The following ATF7IP2 variants were observed in gnomAD, a reference collection of about 807,000 sequenced individuals.
The protein encoded by ATF7IP2 is activating transcription factor 7 interacting protein 2.
ATF7IP2 carries 42 observed loss-of-function variants against 64.2 expected under a neutral mutation model. That is an observed-to-expected ratio of 0.65 (90% CI 0.51 to 0.85). ATF7IP2 has a LOEUF of 0.85. Among genes scored for constraint, ATF7IP2 ranks in the 40% least tolerant of loss-of-function variants. The pLI is 0.00. For synonymous variants in ATF7IP2, 308 were observed against 272.8 expected (o/e 1.13, Z -1.27); for missense variants, 933 against 784.2 (o/e 1.19, Z -2.27).
At chr16:10,402,810 C>T (rs1455506481) in intron 1 of ATF7IP2, among the ~76,000 whole-genome samples, 1 of 151,772 alleles carries the variant, frequency 6.6e-6, no homozygotes, top group South Asian at 2.1e-4. Flanking sequence ...TACAGTGGCT[C>T]CCTCTGTAGT....
chr16:10,429,260 G>A (rs1272550188), intron 4 of ATF7IP2, among the ~76,000 whole-genome samples: 3 of 152,182 alleles, frequency 2.0e-5, no homozygotes, highest in Non-Finnish European at 2.9e-5. Context: ...CAGTCCTATA[G>A]GAAAAATAGA....
chr16:10,454,907 G>C (rs2049116969), intron 8 of ATF7IP2, among the ~76,000 whole-genome samples: 1 of 152,088 alleles, frequency 6.6e-6, no homozygotes, highest in Admixed American at 6.6e-5. Context: ...TATAATACCT[G>C]ATTTCATTTG....
intron 1 of ATF7IP2, among the ~76,000 whole-genome samples, chr16:10,403,193 C>G (rs375484789): frequency 4.6e-5 from 7 of 152,124 alleles, no homozygotes; most frequent in Admixed American, 2.6e-4. Flanking sequence ...GCCTGGAGGT[C>G]AGCCCACATA....
In ATF7IP2 at chr16:10,398,028, G is replaced by A. The variant is rs369179018; in HGVS notation, c.-242+11906G>A. Among the ~76,000 whole-genome samples, 20 of 152,072 alleles carry A rather than the reference G, an allele frequency of 1.3e-4. No individual in the cohort carries two copies. The East Asian group carries it at 3.7e-3, about 28-fold the overall frequency. ...TTATCAAAAATGAAAGATAAGACTG[G>A]GCATGGTGGCTCAAGCTTGTAATCC... On this transcript the variant is annotated intron_variant, in intron 1 of 13. Coordinates refer to ENST00000562102, the MANE Select transcript of ATF7IP2 (RefSeq NM_001393719.1).
intron 7 of ATF7IP2, among the ~76,000 whole-genome samples, chr16:10,440,148 G>A (rs1161696358): frequency 6.6e-6 from 1 of 151,974 alleles, no homozygotes; most frequent in Middle Eastern, 3.4e-3. Flanking sequence ...CAACAAGAGC[G>A]AAACTCCATC....
At position 10,480,863 on chromosome 16, in the gene ATF7IP2, C is replaced by G; in HGVS notation, c.1550-16C>G. 1.3e-6 allele frequency: 2 copies of G among 1,561,382 alleles called. No individual in the cohort carries two copies. Among genetic ancestry groups the G allele is most frequent in the Non-Finnish European group, 1.8e-6 (2 of 1,132,320 alleles). On this transcript the variant is annotated splice_polypyrimidine_tract_variant and intron_variant, in intron 12 of 13. Transcript: ENST00000562102. ...TGCAGATAAGATTTACTTCTTAAACCTTGTGTTGTTCACAGAAAGTCCAGT... is the reference window on the plus strand; with the variant it reads ...TGCAGATAAGATTTACTTCTTAAACGTTGTGTTGTTCACAGAAAGTCCAGT...
At chr16:10,404,985 A>G (rs144386034) in intron 1 of ATF7IP2, among the ~76,000 whole-genome samples, 2 of 152,324 alleles carry the variant, frequency 1.3e-5, no homozygotes, top group African/African-American at 4.8e-5. Context: ...AGTTTTTCTT[A>G]TAGAAGCAAA....
intron 3 of ATF7IP2, among the ~76,000 whole-genome samples, chr16:10,420,604 G>A (rs1363901705): frequency 6.6e-6 from 1 of 152,238 alleles, no homozygotes; most frequent in East Asian, 1.9e-4. Flanking sequence ...TGCAGTCCAA[G>A]GTCCTGGAAG....
chr16:10,446,662 G>A (rs1346125966), intron 8 of ATF7IP2: 1 of 152,144 alleles, frequency 6.6e-6, no homozygotes, highest in Non-Finnish European at 1.5e-5. Flanking sequence ...TTTATCATCT[G>A]TTGCTTTTTC....
chr16:10,473,643 CT>C, intron 11 of ATF7IP2, 109 bp downstream of exon 11: 2 of 797,374 alleles, frequency 2.5e-6, no homozygotes, highest in South Asian at 3.4e-5. Context: ...ACGTTACACA[CT>C]GAAAAGCAGA....
rs74636664 is a variant in ATF7IP2, at chr16:10,457,705, T to C, written c.1352+176T>C. ...GTTGTGGGGGTTTTTTTTTGGTTTT[T>C]GGGTTTTCTGGTGTTTTTTGAGATA... On this transcript the variant is annotated intron_variant, in intron 9 of 13. Transcript: ENST00000562102. 9.0e-4 allele frequency: 418 copies of C among 462,372 alleles called. 3 individuals carry two copies. In the East Asian group the frequency reaches 0.015, roughly 17 times the overall value. 28.6% of individuals were successfully genotyped at this position (462,372 alleles called of 1,614,324 possible).
chr16:10,452,509 G>A (rs973486842), intron 8 of ATF7IP2, among the ~76,000 whole-genome samples: 2 of 152,196 alleles, frequency 1.3e-5, no homozygotes, highest in Non-Finnish European at 2.9e-5. Flanking sequence ...ACAGATGCCA[G>A]CCAGAGCTCT....
At chr16:10,474,670 C>G (rs1012787011) in intron 12 of ATF7IP2, among the ~76,000 whole-genome samples, 3 of 151,996 alleles carry the variant, frequency 2.0e-5, no homozygotes, top group Admixed American at 2.0e-4. Context: ...AAGTATAAAC[C>G]CACATACCCA....
chr16:10,405,823 A>T (rs2047627291), intron 1 of ATF7IP2, among the ~76,000 whole-genome samples: 1 of 152,198 alleles, frequency 6.6e-6, no homozygotes, highest in Non-Finnish European at 1.5e-5. Context: ...TTGAGCTGCC[A>T]ACTCTGTCCT....
rs533779623 is a variant in ATF7IP2, at chr16:10,462,680, A to T, written c.1352+5151A>T. ...GTGGTGGGGTGGTGGTAGTATACTT[A>T]GCCTTTTAAATTTATACTGATGGGG... On this transcript the variant is annotated intron_variant, in intron 9 of 13. Transcript: ENST00000562102. Among the ~76,000 whole-genome samples, 3 of 152,262 alleles carry T rather than the reference A, an allele frequency of 2.0e-5. No homozygotes were observed. The East Asian group carries it at 5.8e-4, about 29-fold the overall frequency.
chr16:10,425,556 G>A (rs1003253802), intron 3 of ATF7IP2, among the ~76,000 whole-genome samples: 17 of 152,176 alleles, frequency 1.1e-4, no homozygotes, highest in African/African-American at 3.9e-4. Flanking sequence ...AATTCATTAG[G>A]TGAAAATATT....
intron 10 of ATF7IP2, among the ~76,000 whole-genome samples, chr16:10,472,720 G>T (rs1054490262): frequency 6.6e-6 from 1 of 152,034 alleles, no homozygotes; most frequent in African/African-American, 2.4e-5. Context: ...GCCAGGCATG[G>T]TGGCAGGTGC....
intron 8 of ATF7IP2, chr16:10,446,112 CT>C (rs1218644301): frequency 1.3e-5 from 2 of 152,198 alleles, no homozygotes; most frequent in Non-Finnish European, 2.9e-5. Flanking sequence ...CCCATTATAT[CT>C]TTTTCCTTCA....
chr16:10,460,020 G>A (rs144271831), intron 9 of ATF7IP2, among the ~76,000 whole-genome samples: 18 of 152,280 alleles, frequency 1.2e-4, no homozygotes, highest in Admixed American at 2.0e-4. Flanking sequence ...TGGGGGGTGT[G>A]TGTATGAAAT....
Sources: gnomAD v4.1 joint callset for allele counts (sites outside exome capture counted in the v4.1 genomes callset) on GRCh38, gnomAD v4.1.1 for gene constraint, MANE v1.5 for transcripts, NCBI Gene and HGNC (gene_info 2026-07-23, HGNC 2026-07-21) for gene names.